KLF7: variants seen among roughly 807,000 people sequenced by gnomAD.
The protein encoded by KLF7 is KLF transcription factor 7.
A neutral mutation model predicts 27.3 loss-of-function variants in KLF7; 2 were observed. That is an observed-to-expected ratio of 0.07 (90% CI 0.03 to 0.23). KLF7 has a LOEUF of 0.23. Ranked by LOEUF, KLF7 falls within the 10% of genes least tolerant of loss-of-function variation. KLF7 has a pLI of 1.00. For missense variants in KLF7, 221 were observed against 394.1 expected (o/e 0.56, Z 3.72); for synonymous variants, 165 against 162.4 (o/e 1.02, Z -0.12).
intron 2 of KLF7, among the ~76,000 whole-genome samples, chr2:207,101,252 G>A (rs1412390790): frequency 6.6e-6 from 1 of 152,240 alleles, no homozygotes; most frequent in South Asian, 2.1e-4. Flanking sequence ...GACACTGCTA[G>A]AGATTAAAGC....
chr2:207,095,666 T>C (rs1460737979), intron 2 of KLF7, among the ~76,000 whole-genome samples: 7 of 152,146 alleles, frequency 4.6e-5, no homozygotes, highest in South Asian at 2.1e-4. Flanking sequence ...GATTAAAAAA[T>C]TGAAGCAGTG....
intron 1 of KLF7, among the ~76,000 whole-genome samples, chr2:207,158,416 A>T (rs2078449397): frequency 6.6e-6 from 1 of 152,248 alleles, no homozygotes; most frequent in African/African-American, 2.4e-5. Flanking sequence ...AACATTTAAA[A>T]AGATTTTCAT....
rs979674667 is a variant in KLF7, at chr2:207,078,507, C to T, written c.*2706G>A. ...TAATAGAGCCTTGCATTGGTCAGTTCGAAAATTAAATTAAGTATTATAAAC... is the reference window on the plus strand; with the variant it reads ...TAATAGAGCCTTGCATTGGTCAGTTTGAAAATTAAATTAAGTATTATAAAC... On this transcript the variant is annotated 3_prime_UTR_variant, in exon 4 of 4. Coordinates refer to ENST00000309446, the MANE Select transcript of KLF7 (RefSeq NM_003709.4). 3.9e-5 allele frequency: 6 copies of T among 152,270 alleles called. No individual in the cohort carries two copies. Among genetic ancestry groups the T allele is most frequent in the African/African-American group, 1.4e-4 (6 of 41,550 alleles). The allele number at this position is 152,270 out of a possible 1,614,324, so 9.4% of individuals were successfully genotyped here.
chr2:207,102,948 A>C (rs1041326202), intron 2 of KLF7, among the ~76,000 whole-genome samples: 12 of 152,114 alleles, frequency 7.9e-5, no homozygotes, highest in African/African-American at 2.9e-4. Flanking sequence ...TTTATTTTTG[A>C]GACAGAGTCT....
At chr2:207,143,783 A>G (rs1310398878) in intron 1 of KLF7, among the ~76,000 whole-genome samples, 1 of 152,192 alleles carries the variant, frequency 6.6e-6, no homozygotes, top group Non-Finnish European at 1.5e-5. Flanking sequence ...ATGTGCAGGC[A>G]CATTTGACCT....
intron 1 of KLF7, among the ~76,000 whole-genome samples, chr2:207,142,413 T>C (rs774887483): frequency 6.6e-6 from 1 of 152,196 alleles, no homozygotes; most frequent in Non-Finnish European, 1.5e-5. Flanking sequence ...CCACTTTATA[T>C]AGGACATTGT....
At position 207,137,085 on chromosome 2, in the gene KLF7, C is replaced by G. The variant is rs192569457; in HGVS notation, c.103-12681G>C. Among the ~76,000 whole-genome samples the G allele has an allele frequency of 2.6e-5, 4 of 152,260 alleles. No individual in the cohort carries two copies. The East Asian group carries it at 7.7e-4, about 29-fold the overall frequency. On this transcript the variant is annotated intron_variant, in intron 1 of 3. Transcript: ENST00000309446. ...AACATGAACAAAACCCACCCCTCCC[C>G]TCTCCTCACCTGCATAATGACTGCT...
chr2:207,166,372 G>A (rs942765050), upstream of KLF7: 6 of 181,172 alleles, frequency 3.3e-5, no homozygotes, highest in Non-Finnish European at 6.3e-5. Context: ...GGGCTGAGGC[G>A]GCCGCCCGGC....
In KLF7 at chr2:207,142,705, T is replaced by A. The variant is rs941521749; in HGVS notation, c.103-18301A>T. The stretch of plus-strand genomic sequence containing the variant: ...AAGGGAACAATGACATTCTAAAAAG[T>A]GCACACAGTGTGAGCAAGGGTGTAG... On this transcript the variant is annotated intron_variant, in intron 1 of 3. Transcript: ENST00000309446. 5.3e-5 allele frequency among the ~76,000 whole-genome samples: 8 copies of A among 152,180 alleles called. No individual in the cohort carries two copies. In the East Asian group the frequency reaches 1.5e-3, roughly 29 times the overall value.
intron 2 of KLF7, among the ~76,000 whole-genome samples, chr2:207,090,588 G>A (rs2076488928): frequency 6.6e-6 from 1 of 152,166 alleles, no homozygotes; most frequent in Non-Finnish European, 1.5e-5. Context: ...AGGAAGACAG[G>A]CCCTGAAATC....
chr2:207,081,242 G>A lies in KLF7; in HGVS notation c.880C>T (p.Leu294Phe), dbSNP rs1456009961. ...ATATGTCTCTTCATGTGGAGGGCAA[G>A]ATGGTCAGACCTGGAAAAACACCTA... is the stretch of plus-strand genomic sequence containing the variant. ...CDRCFSRSDHLALHMKRHI is the reference protein window; with the variant it reads ...CDRCFSRSDHFALHMKRHI The change falls in exon 4 of 4, where the codon CTT (leucine) becomes TTT (phenylalanine). Residue 294 changes from leucine to phenylalanine, a missense_variant. By Grantham distance (22) the Leu-to-Phe change is conservative. Around this residue, in one of 3 missense-constraint regions of KLF7, gnomAD observed 30 missense variants for 115.4 expected, o/e 0.26. Coordinates refer to ENST00000309446, the MANE Select transcript of KLF7 (RefSeq NM_003709.4). The A allele has an allele frequency of 6.2e-7, 1 of 1,613,972 alleles. No homozygotes were observed. Among genetic ancestry groups the A allele is most frequent in the African/African-American group, 1.3e-5 (1 of 74,916 alleles).
chr2:207,154,098 A>G (rs2078317402), intron 1 of KLF7, among the ~76,000 whole-genome samples: 1 of 152,218 alleles, frequency 6.6e-6, no homozygotes, highest in South Asian at 2.1e-4. Context: ...CACAGAAAGA[A>G]TATTCCTTAT....
intron 2 of KLF7, among the ~76,000 whole-genome samples, chr2:207,093,624 C>T (rs1168224427): frequency 6.6e-6 from 1 of 152,188 alleles, no homozygotes; most frequent in Admixed American, 6.5e-5. Flanking sequence ...AGTCTGTTTC[C>T]CTCACCAGAG....
chr2:207,159,659 G>GT (rs1193470302), intron 1 of KLF7, among the ~76,000 whole-genome samples: 1 of 152,176 alleles, frequency 6.6e-6, no homozygotes, highest in Non-Finnish European at 1.5e-5. Context: ...CCCACAAAGT[G>GT]TGACTAGGTC....
chr2:207,090,650 G>C (rs763991587), intron 2 of KLF7, among the ~76,000 whole-genome samples: 1 of 152,174 alleles, frequency 6.6e-6, no homozygotes, highest in African/African-American at 2.4e-5. Context: ...CAAGTCTACA[G>C]ACATGCTGGG....
intron 3 of KLF7, among the ~76,000 whole-genome samples, chr2:207,083,679 A>C (rs2076325211): frequency 6.6e-6 from 1 of 152,354 alleles, no homozygotes; most frequent in Admixed American, 6.5e-5. Flanking sequence ...GTTTGGTTAC[A>C]TGATAAAGAA....
At chr2:207,083,019 T>C (rs1205237692) in intron 3 of KLF7, among the ~76,000 whole-genome samples, 1 of 152,122 alleles carries the variant, frequency 6.6e-6, no homozygotes, top group East Asian at 1.9e-4. Flanking sequence ...TCTAATCCAA[T>C]AACATGCTGC....
intron 1 of KLF7, among the ~76,000 whole-genome samples, chr2:207,125,966 G>A (rs185297595): frequency 6.2e-4 from 95 of 152,322 alleles, no homozygotes; most frequent in Middle Eastern, 3.4e-3. Context: ...TAGGGGCTGA[G>A]TGGACACCTA....
chr2:207,131,189 G>T (rs2077624464), intron 1 of KLF7, among the ~76,000 whole-genome samples: 1 of 152,222 alleles, frequency 6.6e-6, no homozygotes, highest in African/African-American at 2.4e-5. Flanking sequence ...GTGGTGAGAA[G>T]GATGATGCTT....
Sources: allele counts gnomAD v4.1 joint callset (sites outside exome capture counted in the v4.1 genomes callset), GRCh38; gene constraint gnomAD v4.1.1; regional missense constraint gnomAD v4.1.1; transcripts MANE v1.5; gene names NCBI Gene and HGNC (gene_info 2026-07-23, HGNC 2026-07-21).